The following NBAS variants were observed in gnomAD, a reference collection of about 807,000 sequenced individuals.
NBAS encodes NBAS subunit of NRZ tethering complex.
In NBAS, 219 loss-of-function variants were observed where a neutral mutation model predicts 302.5. That is an observed-to-expected ratio of 0.72 (90% CI 0.65 to 0.81). The LOEUF is 0.81. NBAS is among the 30% of genes least tolerant of loss of function. NBAS has a pLI of 0.00. For missense variants in NBAS, 2,932 were observed against 2,841.6 expected (o/e 1.03, Z -0.72); for synonymous variants, 1,118 against 1,021.6 (o/e 1.09, Z -1.80).
At chr2:15,271,454 G>A (rs748884946) in intron 44 of NBAS, among the ~76,000 whole-genome samples, 3 of 152,164 alleles carry the variant, frequency 2.0e-5, no homozygotes, top group South Asian at 2.1e-4. Context: ...AATCACAAAC[G>A]GTGGGAGTTG....
the NBAS span, among the ~76,000 whole-genome samples, chr2:15,155,105 C>T: frequency 6.6e-6 from 1 of 152,178 alleles, no homozygotes; most frequent in African/African-American, 2.4e-5. Flanking sequence ...AAGACAGCAA[C>T]ATTTGGCAAT....
At chr2:15,232,884 A>G (rs980356551) in intron 46 of NBAS, among the ~76,000 whole-genome samples, 6 of 151,402 alleles carry the variant, frequency 4.0e-5, no homozygotes, top group African/African-American at 1.5e-4. Context: ...AAAAGCACTA[A>G]TATTTACTTG....
the NBAS span, among the ~76,000 whole-genome samples, chr2:14,837,192 A>C: frequency 6.6e-6 from 1 of 151,856 alleles, no homozygotes; most frequent in African/African-American, 2.4e-5. Context: ...TCTCAGGATT[A>C]AGAAAAAGCA....
the NBAS span, among the ~76,000 whole-genome samples, chr2:15,119,629 G>A: frequency 2.6e-5 from 4 of 152,096 alleles, no homozygotes; most frequent in African/African-American, 4.8e-5. Flanking sequence ...GTGAGCCACC[G>A]TGCCTAGCCA....
chr2:15,489,191 C>T (rs1300377774), intron 11 of NBAS, among the ~76,000 whole-genome samples, 169 bp from the exon 12 acceptor site: 1 of 152,114 alleles, frequency 6.6e-6, no homozygotes, highest in African/African-American at 2.4e-5. Flanking sequence ...AAAAAGTCCT[C>T]CTGACCTTAA....
At chr2:15,103,546 C>G in the NBAS span, among the ~76,000 whole-genome samples, 8,231 of 152,208 alleles carry the variant, frequency 0.054, 425 homozygotes, top group African/African-American at 0.11. Context: ...TGCCCCACTA[C>G]TATATTGTAA....
At chr2:15,224,979 T>C (rs1667095397) in intron 47 of NBAS, among the ~76,000 whole-genome samples, 1 of 152,102 alleles carries the variant, frequency 6.6e-6, no homozygotes. Flanking sequence ...TAAACAAATG[T>C]GTAAATGGTA....
intron 9 of NBAS, among the ~76,000 whole-genome samples, chr2:15,525,002 G>A (rs1216554671): frequency 2.0e-5 from 3 of 152,062 alleles, no homozygotes; most frequent in Non-Finnish European, 4.4e-5. Context: ...GATCCTTAAG[G>A]TGGATTTAAG....
chr2:14,832,501 A>G, the NBAS span, among the ~76,000 whole-genome samples: 1 of 152,072 alleles, frequency 6.6e-6, no homozygotes, highest in East Asian at 1.9e-4. Context: ...GCTGACTCAG[A>G]GCTATGCTTC....
the NBAS span, among the ~76,000 whole-genome samples, chr2:14,855,670 T>C: frequency 2.6e-5 from 4 of 151,576 alleles, no homozygotes; most frequent in African/African-American, 9.7e-5. Context: ...GGCTATGGAG[T>C]GAGGTTCCTG....
At chr2:15,351,729 G>A (rs1673365617) in intron 35 of NBAS, among the ~76,000 whole-genome samples, 1 of 152,000 alleles carries the variant, frequency 6.6e-6, no homozygotes, top group South Asian at 2.1e-4. Flanking sequence ...AAGGTGGTTA[G>A]GTACTGCTTC....
chr2:15,377,503 A>G (rs1187253404), intron 30 of NBAS, among the ~76,000 whole-genome samples: 1 of 152,220 alleles, frequency 6.6e-6, no homozygotes, highest in Non-Finnish European at 1.5e-5. Flanking sequence ...CAATAGCCCT[A>G]TGATATAAGC....
rs147554437 is a variant in NBAS at position 15,303,681 on chromosome 2, T to C, written c.4797+4535A>G. On this transcript the variant is annotated intron_variant, in intron 40 of 51. Transcript: ENST00000281513. The stretch of plus-strand genomic sequence containing the variant: ...ACTTATCTGAGTCACAAACAGTACA[T>C]GCATTAGGACTTTTCATTTTGGTAC... Among the ~76,000 whole-genome samples the C allele has an allele frequency of 1.6e-3, 247 of 152,318 alleles. 2 individuals are homozygous for C. The highest frequency in any genetic ancestry group is 5.5e-3 in the African/African-American group (229 of 41,568).
chr2:15,353,449 TA>T, intron 34 of NBAS, 103 bp downstream of exon 34: 3 of 1,389,832 alleles, frequency 2.2e-6, no homozygotes, highest in Non-Finnish European at 2.0e-6. Flanking sequence ...TTCCATAAAT[TA>T]AAATTCTCAT....
chr2:15,460,961 G>A (rs900543698), intron 21 of NBAS, among the ~76,000 whole-genome samples: 1 of 152,074 alleles, frequency 6.6e-6, no homozygotes, highest in Non-Finnish European at 1.5e-5. Context: ...TGAATACACA[G>A]AAGTAAAATC....
At chr2:15,296,648 T>C (rs976961861) in intron 40 of NBAS, among the ~76,000 whole-genome samples, 1 of 151,952 alleles carries the variant, frequency 6.6e-6, no homozygotes, top group African/African-American at 2.4e-5. Context: ...CTGGGCAACA[T>C]AGTGAGACCC....
chr2:14,809,043 C>T, the NBAS span, among the ~76,000 whole-genome samples: 1 of 152,178 alleles, frequency 6.6e-6, no homozygotes, highest in South Asian at 2.1e-4. Context: ...GAAGGAATTT[C>T]TAAGCAGCAA....
rs543202312 is a variant in NBAS, at chr2:15,174,371, T to C, written c.6840+4617A>G. 2.0e-4 allele frequency among the ~76,000 whole-genome samples: 30 copies of C among 152,328 alleles called. 2 individuals are homozygous for C. The South Asian group carries it at 5.6e-3, about 28-fold the overall frequency. On this transcript the variant is annotated intron_variant, in intron 51 of 51. Transcript: ENST00000281513. ...CACATTTATCAAATATGTGAAGGAC[T>C]GTCACTGGAAGAAGGACATTAGTGA... is the stretch of plus-strand genomic sequence containing the variant.
chr2:15,492,011 G>A (rs1680877168), intron 11 of NBAS, among the ~76,000 whole-genome samples: 1 of 152,132 alleles, frequency 6.6e-6, no homozygotes. Flanking sequence ...TTCATATGGT[G>A]GATACTTGAT....
Sources: allele counts gnomAD v4.1 joint callset (sites outside exome capture counted in the v4.1 genomes callset), GRCh38; gene constraint gnomAD v4.1.1; transcripts MANE v1.5; gene names NCBI Gene and HGNC (gene_info 2026-07-23, HGNC 2026-07-21).